The following RPS6KA2 variants were observed in gnomAD, a reference collection of about 807,000 sequenced individuals.
RPS6KA2 encodes the protein ribosomal protein S6 kinase alpha-2.
In RPS6KA2, 42 loss-of-function variants were observed where a neutral mutation model predicts 91.8. The ratio of observed to expected loss-of-function variants is 0.46; its 90% CI spans 0.36 to 0.59. RPS6KA2 has a LOEUF of 0.59. RPS6KA2 is among the 20% of genes least tolerant of loss of function. The probability of loss-of-function intolerance (pLI) is 0.00; values close to 1 mark genes in which losing one functional copy is unlikely to be tolerated. For synonymous variants in RPS6KA2, 414 were observed against 393.6 expected (o/e 1.05, Z -0.61); for missense variants, 798 against 978.5 (o/e 0.82, Z 2.46).
At chr6:166,820,047 T>C (rs1417345866) in intron 2 of RPS6KA2, among the ~76,000 whole-genome samples, 1 of 152,228 alleles carries the variant, frequency 6.6e-6, no homozygotes, top group Non-Finnish European at 1.5e-5. Flanking sequence ...TGAAGGGAAG[T>C]AGCTGGAGCA....
intron 10 of RPS6KA2, among the ~76,000 whole-genome samples, chr6:166,484,563 C>T (rs1161257067): frequency 1.3e-5 from 2 of 152,220 alleles, no homozygotes; most frequent in Non-Finnish European, 2.9e-5. Context: ...TCATCCAGTT[C>T]CTTTTTCTCC....
intron 10 of RPS6KA2, among the ~76,000 whole-genome samples, chr6:166,486,529 C>G (rs1781416160): frequency 6.6e-6 from 1 of 152,246 alleles, no homozygotes; most frequent in African/African-American, 2.4e-5. Context: ...CCCAGCCTCT[C>G]AGACCCTTGA....
At chr6:166,839,690 G>GC (rs1562465748) in intron 2 of RPS6KA2, among the ~76,000 whole-genome samples, 4 of 104,276 alleles carry the variant, frequency 3.8e-5, no homozygotes, top group African/African-American at 7.9e-5. Flanking sequence ...CAGGAGAGGA[G>GC]AGGGGAGGAG....
chr6:166,749,768 C>CCCCCATTTCCTCAGGT (rs1388479098), intron 2 of RPS6KA2, among the ~76,000 whole-genome samples: 2 of 140,740 alleles, frequency 1.4e-5, no homozygotes, highest in Non-Finnish European at 3.1e-5. Flanking sequence ...TCTCCTCAGG[C>CCCCCATTTCCTCAGGT]CCCCATTTCC....
intron 1 of RPS6KA2, among the ~76,000 whole-genome samples, chr6:166,625,680 C>T (rs962686502): frequency 3.9e-5 from 6 of 152,108 alleles, no homozygotes; most frequent in Non-Finnish European, 8.8e-5. Flanking sequence ...GTGCCTGTGT[C>T]CCAGGAAAAT....
intron 19 of RPS6KA2, among the ~76,000 whole-genome samples, chr6:166,414,951 G>A (rs937727328): frequency 6.6e-6 from 1 of 152,208 alleles, no homozygotes; most frequent in Non-Finnish European, 1.5e-5. Flanking sequence ...TATAATCCCA[G>A]CTACCTGGGG....
intron 3 of RPS6KA2, among the ~76,000 whole-genome samples, chr6:166,528,679 G>A (rs1783149750): frequency 6.6e-6 from 1 of 151,870 alleles, no homozygotes; most frequent in Admixed American, 6.6e-5. Flanking sequence ...ATCTGACAAA[G>A]GGCTAATATC....
intron 10 of RPS6KA2, among the ~76,000 whole-genome samples, chr6:166,477,988 C>G (rs1341073118): frequency 6.6e-6 from 1 of 152,226 alleles, no homozygotes; most frequent in Admixed American, 6.5e-5. Context: ...ATTGTTGGCT[C>G]TCATGTACGT....
At chr6:166,638,747 G>T (rs1178782267) in intron 2 of RPS6KA2, among the ~76,000 whole-genome samples, 1 of 152,164 alleles carries the variant, frequency 6.6e-6, no homozygotes, top group East Asian at 1.9e-4. Flanking sequence ...AGACATTTTT[G>T]ATTGTCACAG....
intron 1 of RPS6KA2, among the ~76,000 whole-genome samples, chr6:166,598,052 C>T (rs1252107878): frequency 3.3e-5 from 5 of 152,210 alleles, no homozygotes; most frequent in African/African-American, 1.2e-4. Context: ...GCAAATTGCA[C>T]AGAGGCATGG....
At chr6:166,805,632 T>C (rs1328330635) in intron 2 of RPS6KA2, among the ~76,000 whole-genome samples, 1 of 152,192 alleles carries the variant, frequency 6.6e-6, no homozygotes, top group Non-Finnish European at 1.5e-5. Flanking sequence ...CAACAATTTT[T>C]TAAATGTTAG....
chr6:166,492,418 G>A (rs951845377), intron 8 of RPS6KA2, among the ~76,000 whole-genome samples: 1 of 152,228 alleles, frequency 6.6e-6, no homozygotes, highest in African/African-American at 2.4e-5. Context: ...AAAACAGGAT[G>A]AAAGTTTATA....
chr6:166,829,642 C>A (rs1432049294), intron 2 of RPS6KA2, among the ~76,000 whole-genome samples: 2 of 151,020 alleles, frequency 1.3e-5, no homozygotes, highest in Non-Finnish European at 2.9e-5. Context: ...CATCAATTCC[C>A]CTGCTAGATT....
At chr6:166,485,981 G>A (rs917033093) in intron 10 of RPS6KA2, among the ~76,000 whole-genome samples, 13 of 152,182 alleles carry the variant, frequency 8.5e-5, no homozygotes, top group South Asian at 6.2e-4. Flanking sequence ...TTCCTGAGCC[G>A]AGTCACTGTG....
chr6:166,841,011 G>C (rs553754547), intron 2 of RPS6KA2, among the ~76,000 whole-genome samples: 11 of 152,010 alleles, frequency 7.2e-5, no homozygotes, highest in Admixed American at 3.9e-4. Flanking sequence ...GCTGGGTGTG[G>C]TAGCTCACAT....
chr6:166,418,590 C>T lies in RPS6KA2; in HGVS notation c.1821-248G>A, dbSNP rs1583106061. ...GAGCCCTGTGAGACCTGTGCTGTAT[C>T]CCCTCCGGACCCAGGTAAACTGGGA... On this transcript the variant is annotated intron_variant, in intron 18 of 20. Transcript: ENST00000265678. This position sits in a 1 kb window ranked among gnomAD's most constrained non-coding sequence, Gnocchi z 4.9. Among the ~76,000 whole-genome samples the T allele has an allele frequency of 6.6e-6, 1 of 152,198 alleles. No individual in the cohort carries two copies. The highest frequency in any genetic ancestry group is 2.4e-5 in the African/African-American group (1 of 41,450).
In RPS6KA2 at chr6:166,437,598, C is replaced by T. The variant is rs538541510; in HGVS notation, c.1333-5108G>A. Among the ~76,000 whole-genome samples, 1 of 152,334 alleles carries T rather than the reference C, an allele frequency of 6.6e-6. No individual in the cohort carries two copies. The highest frequency in any genetic ancestry group is 6.5e-5 in the Admixed American group (1 of 15,308). ...CACCACAGCCGGTAAATAAACTTTC[C>T]ATGGTGTTGCCACCGAGCAGGCTGA... On this transcript the variant is annotated intron_variant, in intron 14 of 20. Transcript: ENST00000265678. This position sits in a 1 kb window ranked among gnomAD's most constrained non-coding sequence, Gnocchi z 4.3.
intron 14 of RPS6KA2, among the ~76,000 whole-genome samples, chr6:166,442,409 G>A (rs975156628): frequency 6.6e-6 from 1 of 152,188 alleles, no homozygotes; most frequent in Non-Finnish European, 1.5e-5. Context: ...GACCGGCTGC[G>A]ACTTCTCGCA....
In RPS6KA2 at chr6:166,410,185, T is replaced by G. The variant is rs1583093024; in HGVS notation, c.*2577A>C. On this transcript the variant is annotated 3_prime_UTR_variant, in exon 21 of 21. Coordinates refer to ENST00000265678, the MANE Select transcript of RPS6KA2 (RefSeq NM_021135.6). ...ATTTTCATGACCCGGGGGTGGGGGG[T>G]TGGGTTATGATGAACTGTGTGAGGA... The G allele has an allele frequency of 3.4e-5, 5 of 148,796 alleles. No homozygotes were observed. The highest frequency in any genetic ancestry group is 2.2e-4 in the South Asian group (1 of 4,572). 9.2% of individuals were successfully genotyped at this position (148,796 alleles called of 1,614,324 possible).
Sources: gnomAD v4.1 joint callset for allele counts (sites outside exome capture counted in the v4.1 genomes callset) on GRCh38, gnomAD v4.1.1 for gene constraint, Gnocchi (gnomAD v3.1) non-coding constraint, MANE v1.5 for transcripts, NCBI Gene and HGNC (gene_info 2026-07-23, HGNC 2026-07-21) for gene names.